NFAM1: variants seen among roughly 807,000 people sequenced by gnomAD.
NFAM1 encodes the protein NFAT activation molecule 1.
NFAM1 carries 17 observed loss-of-function variants against 29.0 expected under a neutral mutation model. The observed-to-expected ratio is 0.59, with a 90% CI of 0.40 to 0.88. The LOEUF (loss-of-function observed/expected upper bound fraction) is 0.88. Ranked by LOEUF, NFAM1 falls within the 40% of genes least tolerant of loss-of-function variation. The pLI is 0.00. For synonymous variants in NFAM1, 175 were observed against 147.2 expected, an observed-to-expected ratio of 1.19 and a Z score of -1.36; for missense variants, 324 against 344.6, an observed-to-expected ratio of 0.94 and a Z score of 0.47.
At position 42,389,858 on chromosome 22, in the gene NFAM1, G is replaced by A. The variant is rs963080153; in HGVS notation, c.664-2780C>T. On this transcript the variant is annotated intron_variant, in intron 4 of 5. Coordinates refer to ENST00000329021, the MANE Select transcript of NFAM1 (RefSeq NM_145912.8). ...CTCCAGGCAGGCTGAGGCCAGAGCT[G>A]AAGTTAGTGTCCCTGGGCCTGGACC... Among the ~76,000 whole-genome samples, 3 of 152,234 alleles carry A rather than the reference G, an allele frequency of 2.0e-5. No individual in the cohort carries two copies. In the East Asian group the frequency reaches 5.8e-4, roughly 29 times the overall value.
At chr22:42,430,829 C>A (rs1294573982) in intron 1 of NFAM1, among the ~76,000 whole-genome samples, 1 of 152,040 alleles carries the variant, frequency 6.6e-6, no homozygotes. Flanking sequence ...GAGGAGGAAC[C>A]ACACAAAGGG....
intron 4 of NFAM1, among the ~76,000 whole-genome samples, chr22:42,389,478 G>T (rs942971388): frequency 2.0e-5 from 3 of 152,182 alleles, no homozygotes; most frequent in African/African-American, 7.2e-5. Flanking sequence ...GAAATGCAGG[G>T]TGCAGCCTTG....
At chr22:42,413,796 G>A (rs1288350561) in intron 1 of NFAM1, among the ~76,000 whole-genome samples, 5 of 152,112 alleles carry the variant, frequency 3.3e-5, no homozygotes, top group African/African-American at 4.8e-5. Flanking sequence ...GCTCATGCCC[G>A]TAATCCCAGC....
intron 4 of NFAM1, among the ~76,000 whole-genome samples, chr22:42,392,246 G>A (rs967259239): frequency 6.6e-6 from 1 of 152,200 alleles, no homozygotes; most frequent in East Asian, 1.9e-4. Flanking sequence ...GTGTGATGGT[G>A]AGGCAGGGGA....
At position 42,382,388 on chromosome 22, in the gene NFAM1, C is replaced by G; in HGVS notation, c.*2773G>C. On this transcript the variant is annotated 3_prime_UTR_variant, in exon 6 of 6. Coordinates refer to ENST00000329021, the MANE Select transcript of NFAM1 (RefSeq NM_145912.8). Reference sequence around the variant, plus strand: ...TCTTGACTGTCACTGCAAACTGAGGCTCAGGTGGCCAGTGACTTGCCCAAG... The same window carrying G: ...TCTTGACTGTCACTGCAAACTGAGGGTCAGGTGGCCAGTGACTTGCCCAAG... 6.6e-6 allele frequency: 1 copy of G among 152,146 alleles called. No individual in the cohort carries two copies. Among genetic ancestry groups the G allele is most frequent in the Non-Finnish European group, 1.5e-5 (1 of 68,034 alleles). The allele number at this position is 152,146 out of a possible 1,614,324, so 9.4% of individuals were successfully genotyped here.
chr22:42,429,909 G>A (rs1298568255), intron 1 of NFAM1, among the ~76,000 whole-genome samples: 2 of 152,238 alleles, frequency 1.3e-5, no homozygotes, highest in African/African-American at 4.8e-5. Flanking sequence ...GAGACGAGAA[G>A]GCAGGGGTGT....
chr22:42,423,823 A>G (rs1168145098), intron 1 of NFAM1, among the ~76,000 whole-genome samples: 1 of 151,478 alleles, frequency 6.6e-6, no homozygotes, highest in Non-Finnish European at 1.5e-5. Context: ...CAGGTTCAAG[A>G]GATTCTCCTG....
intron 3 of NFAM1, among the ~76,000 whole-genome samples, chr22:42,398,731 A>G (rs1282161690): frequency 6.6e-6 from 1 of 152,090 alleles, no homozygotes; most frequent in East Asian, 1.9e-4. Flanking sequence ...TGGTTTCTTC[A>G]GCAATAACCC....
At chr22:42,427,882 T>C (rs908075644) in intron 1 of NFAM1, among the ~76,000 whole-genome samples, 3 of 152,060 alleles carry the variant, frequency 2.0e-5, no homozygotes, top group African/African-American at 7.2e-5. Flanking sequence ...GGGGTACCTT[T>C]GGTGGGGCAC....
intron 1 of NFAM1, among the ~76,000 whole-genome samples, chr22:42,413,230 C>T (rs1383076666): frequency 2.0e-5 from 3 of 152,110 alleles, no homozygotes; most frequent in African/African-American, 2.4e-5. Flanking sequence ...TCAGAGGAGC[C>T]GCAAGATTTA....
In NFAM1 at chr22:42,421,938, C is replaced by T. The variant is rs568736064; in HGVS notation, c.122-10202G>A. On this transcript the variant is annotated intron_variant, in intron 1 of 5. Coordinates refer to ENST00000329021, the MANE Select transcript of NFAM1 (RefSeq NM_145912.8). Reference sequence around the variant, plus strand: ...TCCCAGGATGCCACAGATGAGCAAGCGGGCAGGACACAGGCATCAAATGCA... The same window carrying T: ...TCCCAGGATGCCACAGATGAGCAAGTGGGCAGGACACAGGCATCAAATGCA... 6.6e-5 allele frequency among the ~76,000 whole-genome samples: 10 copies of T among 152,282 alleles called. No individual in the cohort carries two copies. In the East Asian group the frequency reaches 7.7e-4, roughly 12 times the overall value.
At chr22:42,436,958 G>A (rs1930955065), upstream of NFAM1, 1 of 959,000 alleles carries the variant, frequency 1.0e-6, no homozygotes, top group South Asian at 4.8e-5. Flanking sequence ...TGACTCACCT[G>A]CTTGAGGTCA....
At chr22:42,400,067 G>A (rs372430261) in intron 3 of NFAM1, among the ~76,000 whole-genome samples, 26 of 152,316 alleles carry the variant, frequency 1.7e-4, no homozygotes, top group African/African-American at 6.3e-4. Context: ...GAGAAGGCAG[G>A]TGACTTGCCG....
chr22:42,403,102 G>A (rs1040223171), intron 3 of NFAM1, among the ~76,000 whole-genome samples: 2 of 151,574 alleles, frequency 1.3e-5, no homozygotes, highest in Admixed American at 6.6e-5. Context: ...CTCCCAAAGT[G>A]TTGGGATTAT....
intron 4 of NFAM1, among the ~76,000 whole-genome samples, chr22:42,395,038 G>C (rs1427946936): frequency 6.6e-6 from 1 of 152,126 alleles, no homozygotes; most frequent in Admixed American, 6.6e-5. Context: ...GCCAAGTGCA[G>C]TGTCTCACAC....
At position 42,381,958 on chromosome 22, in the gene NFAM1, T is replaced by C. The variant is rs539449808; in HGVS notation, c.*3203A>G. On this transcript the variant is annotated 3_prime_UTR_variant, in exon 6 of 6. Transcript: ENST00000329021. ...TCCTCTGTACTGCCCCAGAAGCCTATTCCTTCTGAAGGACGAGTCTTGAAG... is the reference window on the plus strand; with the variant it reads ...TCCTCTGTACTGCCCCAGAAGCCTACTCCTTCTGAAGGACGAGTCTTGAAG... 1 of 152,496 alleles carries C rather than the reference T, an allele frequency of 6.6e-6. No individual in the cohort carries two copies. Among genetic ancestry groups the C allele is most frequent in the East Asian group, 1.9e-4 (1 of 5,190 alleles). The allele number at this position is 152,496 out of a possible 1,614,324, so 9.4% of individuals were successfully genotyped here.
upstream of NFAM1, among the ~76,000 whole-genome samples, chr22:42,436,472 G>A (rs190471078): frequency 1.2e-3 from 181 of 152,304 alleles, no homozygotes; most frequent in Non-Finnish European, 2.2e-3. Flanking sequence ...AGGAGCAGCC[G>A]GGTTTACCTC....
intron 1 of NFAM1, among the ~76,000 whole-genome samples, chr22:42,417,704 G>A (rs1930306946): frequency 6.6e-6 from 1 of 152,126 alleles, no homozygotes; most frequent in Admixed American, 6.5e-5. Context: ...TGGCCCAGGG[G>A]GAGTTTTCTG....
At chr22:42,415,294 C>CTTT (rs398037250) in intron 1 of NFAM1, among the ~76,000 whole-genome samples, 366 of 94,590 alleles carry the variant, frequency 3.9e-3, no homozygotes, top group African/African-American at 6.4e-3. Context: ...TTCTTTCTTT[C>CTTT]TTTTTTTTTT....
Sources: gnomAD v4.1 joint callset for allele counts (sites outside exome capture counted in the v4.1 genomes callset) on GRCh38, gnomAD v4.1.1 for gene constraint, MANE v1.5 for transcripts, NCBI Gene and HGNC (gene_info 2026-07-23, HGNC 2026-07-21) for gene names.